Variants in PTPN14 observed in about 807,000 individuals in gnomAD.
PTPN14 encodes protein tyrosine phosphatase non-receptor type 14, also known as tyrosine-protein phosphatase non-receptor type 14.
PTPN14 carries 53 observed loss-of-function variants against 126.8 expected under a neutral mutation model. That is an observed-to-expected ratio of 0.42 (90% confidence interval 0.34 to 0.53). PTPN14 has a LOEUF of 0.53. Ranked by LOEUF, PTPN14 falls within the 20% of genes least tolerant of loss-of-function variation. The pLI, the probability that PTPN14 is intolerant of heterozygous loss-of-function variation, is 0.08. For missense variants in PTPN14, 1,257 were observed against 1,552.9 expected, an observed-to-expected ratio of 0.81 and a Z score of 3.20; for synonymous variants, 630 against 599.3, an observed-to-expected ratio of 1.05 and a Z score of -0.75.
intron 13 of PTPN14, among the ~76,000 whole-genome samples, chr1:214,382,609 G>C (rs1026823077): frequency 2.6e-5 from 4 of 152,186 alleles, no homozygotes; most frequent in Non-Finnish European, 5.9e-5. Context: ...TGGGACTACA[G>C]GTGTCCCCCA....
intron 3 of PTPN14, among the ~76,000 whole-genome samples, chr1:214,445,551 TA>T (rs5780780): frequency 0.094 from 13,612 of 145,564 alleles, 640 homozygotes; most frequent in South Asian, 0.17. Flanking sequence ...ATGTTTTGGT[TA>T]AAAAAAAAAA....
chr1:214,494,731 T>C (rs1330296558), intron 1 of PTPN14, among the ~76,000 whole-genome samples: 1 of 151,928 alleles, frequency 6.6e-6, no homozygotes, highest in African/African-American at 2.4e-5. Flanking sequence ...AAAGGAAGAG[T>C]GGCCTCTCCT....
chr1:214,510,653 A>C (rs1231102449), intron 1 of PTPN14, among the ~76,000 whole-genome samples: 1 of 152,130 alleles, frequency 6.6e-6, no homozygotes, highest in Non-Finnish European at 1.5e-5. Context: ...CTCACCCCAA[A>C]AAGTTTAATC....
chr1:214,475,554 C>A lies in PTPN14; in HGVS notation c.-154-10597G>T, dbSNP rs187978283. ...ACCCCACCCTTCTTTGGGAGATGTGCATTCTGCAACTCTTCAATTCCACTT... is the reference window on the plus strand; with the variant it reads ...ACCCCACCCTTCTTTGGGAGATGTGAATTCTGCAACTCTTCAATTCCACTT... On this transcript the variant is annotated intron_variant, in intron 1 of 18. Transcript: ENST00000366956. 5.0e-3 allele frequency among the ~76,000 whole-genome samples: 765 copies of A among 152,282 alleles called. 2 individuals are homozygous for A. Among genetic ancestry groups the A allele is most frequent in the Non-Finnish European group, 9.4e-3 (640 of 68,020 alleles).
intron 2 of PTPN14, among the ~76,000 whole-genome samples, chr1:214,460,606 C>T (rs1245030726): frequency 7.8e-6 from 1 of 128,040 alleles, no homozygotes; most frequent in African/African-American, 3.5e-5. Flanking sequence ...AACACACACA[C>T]ACACATACAC....
chr1:214,493,629 A>G (rs1335888278), intron 1 of PTPN14, among the ~76,000 whole-genome samples: 1 of 152,272 alleles, frequency 6.6e-6, no homozygotes, highest in African/African-American at 2.4e-5. Context: ...AGAGCAAAAC[A>G]GGAAATTGAT....
At chr1:214,419,969 T>C (rs1659508204) in intron 3 of PTPN14, among the ~76,000 whole-genome samples, 1 of 152,150 alleles carries the variant, frequency 6.6e-6, no homozygotes, top group Non-Finnish European at 1.5e-5. Context: ...TCAAAACTCT[T>C]GAGAAGAATT....
At chr1:214,422,466 CAAT>C (rs1659564709) in intron 3 of PTPN14, among the ~76,000 whole-genome samples, 1 of 152,172 alleles carries the variant, frequency 6.6e-6, no homozygotes, top group South Asian at 2.1e-4. Context: ...CTTACACTAG[CAAT>C]AAATATGTCT....
At chr1:214,514,344 T>A (rs1293221370) in intron 1 of PTPN14, among the ~76,000 whole-genome samples, 1 of 152,182 alleles carries the variant, frequency 6.6e-6, no homozygotes, top group African/African-American at 2.4e-5. Context: ...GCCGCATGTA[T>A]GGGTCCTACT....
chr1:214,521,745 G>A (rs964319673), intron 1 of PTPN14, among the ~76,000 whole-genome samples: 6 of 146,006 alleles, frequency 4.1e-5, no homozygotes, highest in Non-Finnish European at 9.0e-5. Context: ...ACACACACAC[G>A]AACAAAAGAA....
chr1:214,506,617 C>T (rs182205876), intron 1 of PTPN14, among the ~76,000 whole-genome samples: 2 of 152,226 alleles, frequency 1.3e-5, no homozygotes, highest in Admixed American at 6.5e-5. Context: ...TTGGATGTGA[C>T]AAACGGTAAA....
intron 3 of PTPN14, among the ~76,000 whole-genome samples, chr1:214,445,115 C>T (rs1660113413): frequency 6.6e-6 from 1 of 152,200 alleles, no homozygotes; most frequent in African/African-American, 2.4e-5. Flanking sequence ...AACTGCTAGG[C>T]AGTTTTACCT....
At chr1:214,392,142 C>T (rs1388092280) in intron 10 of PTPN14, among the ~76,000 whole-genome samples, 1 of 152,034 alleles carries the variant, frequency 6.6e-6, no homozygotes, top group Non-Finnish European at 1.5e-5. Context: ...CAGGCCATAA[C>T]ATCGTGCTGG....
At chr1:214,358,196 T>C (rs1263794316) in intron 18 of PTPN14, 146 bp from the exon 19 acceptor site, 1 of 857,598 alleles carries the variant, frequency 1.2e-6, no homozygotes, top group Admixed American at 2.9e-5. Flanking sequence ...CTGGGTTTTA[T>C]GCATCAAACA....
intron 12 of PTPN14, among the ~76,000 whole-genome samples, chr1:214,385,092 A>G (rs1418443892): frequency 6.6e-6 from 1 of 152,198 alleles, no homozygotes; most frequent in African/African-American, 2.4e-5. Context: ...GAAATCAGGC[A>G]CCAACAACAG....
chr1:214,360,284 A>G (rs1191068071), intron 18 of PTPN14, among the ~76,000 whole-genome samples: 1 of 152,252 alleles, frequency 6.6e-6, no homozygotes, highest in African/African-American at 2.4e-5. Context: ...TTCAACACCA[A>G]CTAAGGAATG....
Position 214,384,141 on chromosome 1 carries a change from G to C in PTPN14, c.1714C>G (p.Arg572Gly), listed in dbSNP as rs200947677. 4 of 1,576,744 alleles carry C rather than the reference G, an allele frequency of 2.5e-6. No homozygotes were observed. The highest frequency in any genetic ancestry group is 3.4e-6 in the Non-Finnish European group (4 of 1,163,904). Residue 572 changes from arginine (R) to glycine (G), a missense_variant, in exon 13 of 19, where the codon CGG becomes GGG. Arg to Gly is a moderately radical substitution (Grantham distance 125, BLOSUM62 -2). Transcript: ENST00000366956. The surrounding 1 kb of genome is among the most constrained non-coding windows in gnomAD (Gnocchi z 5.3). ...YLFRPPPPYP[R>G]PRPATSTPDL... The stretch of plus-strand genomic sequence containing the variant: ...GGGGTGCTGGTGGCAGGTCGTGGCC[G>C]TGGGTAGGGGGGCGGTGGCCTGAAG...
intron 1 of PTPN14, chr1:214,533,052 T>C: frequency 1.3e-6 from 1 of 747,938 alleles, no homozygotes. Flanking sequence ...TTGGAGCTGC[T>C]GAGATGACAC....
At chr1:214,520,674 C>G (rs938044217) in intron 1 of PTPN14, among the ~76,000 whole-genome samples, 12 of 152,132 alleles carry the variant, frequency 7.9e-5, no homozygotes, top group African/African-American at 2.2e-4. Flanking sequence ...TACAGGCCCC[C>G]CTCCAGTCCC....
Sources: allele counts gnomAD v4.1 joint callset (sites outside exome capture counted in the v4.1 genomes callset), GRCh38; gene constraint gnomAD v4.1.1; non-coding constraint Gnocchi (gnomAD v3.1); transcripts MANE v1.5; gene names NCBI Gene and HGNC (gene_info 2026-07-23, HGNC 2026-07-21).